The following TRPS1 variants were observed in gnomAD, a reference collection of about 807,000 sequenced individuals.
The protein encoded by TRPS1 is transcriptional repressor GATA binding 1, also known as zinc finger transcription factor Trps1.
Under a neutral mutation model 101.2 loss-of-function variants are expected in TRPS1, and 6 were observed. That is an observed-to-expected ratio of 0.06 (90% CI 0.03 to 0.12). The LOEUF is 0.12. Ranked by LOEUF, TRPS1 falls within the 10% of genes least tolerant of loss-of-function variation. The probability of loss-of-function intolerance (pLI) is 1.00; values close to 1 mark genes in which losing one functional copy is unlikely to be tolerated. For missense variants in TRPS1, 1,363 were observed against 1,567.0 expected (o/e 0.87, Z 2.20); for synonymous variants, 578 against 589.8 (o/e 0.98, Z 0.29).
At chr8:115,481,590 T>C (rs544045522) in intron 5 of TRPS1, among the ~76,000 whole-genome samples, 2 of 152,318 alleles carry the variant, frequency 1.3e-5, no homozygotes, top group African/African-American at 4.8e-5. Context: ...GAGAATTCTA[T>C]TCATTCTGAA....
chr8:115,518,051 G>A (rs1815761258), intron 5 of TRPS1, among the ~76,000 whole-genome samples: 3 of 38,792 alleles, frequency 7.7e-5, no homozygotes, highest in Non-Finnish European at 1.5e-4. Flanking sequence ...AAGGGCCAGA[G>A]GTCATATCCC....
chr8:115,642,769 C>T (rs1400154208), intron 1 of TRPS1, among the ~76,000 whole-genome samples: 1 of 150,112 alleles, frequency 6.7e-6, no homozygotes, highest in Non-Finnish European at 1.5e-5. Flanking sequence ...TAAGTTTAAT[C>T]ATTTTTATTA....
In TRPS1 at chr8:115,603,997, T is replaced by C. The variant is rs1216956562; in HGVS notation, c.1972A>G (p.Lys658Glu). 2 of 1,614,008 alleles carry C rather than the reference T, an allele frequency of 1.2e-6. No individual in the cohort carries two copies. The highest frequency in any genetic ancestry group is 1.7e-6 in the Non-Finnish European group (2 of 1,179,964). The change falls in exon 4 of 7, where the codon AAA (lysine) becomes GAA (glutamate). Residue 658 changes from lysine to glutamate, a missense_variant. Physicochemically the swap from Lys to Glu is moderately conservative, Grantham distance 56. Around this residue, in one of 5 missense-constraint regions of TRPS1, gnomAD observed 1,020 missense variants for 1,073.0 expected, o/e 0.95. Coordinates refer to ENST00000395715, the MANE Select transcript of TRPS1 (RefSeq NM_014112.5). ...CCTTGCAGGTGATTTGCTTCTTGTT[T>C]GACATCCGATGCTTGGGACTCATGC... ...SVHESQASDV[K>E]QEANHLQGSD...
chr8:115,445,333 C>G (rs988057478), intron 5 of TRPS1, among the ~76,000 whole-genome samples: 6 of 152,208 alleles, frequency 3.9e-5, no homozygotes, highest in Admixed American at 2.0e-4. Context: ...CTTTCCAAGC[C>G]TACCTCGTCA....
At chr8:115,556,041 A>G (rs1435619281) in intron 5 of TRPS1, among the ~76,000 whole-genome samples, 2 of 152,158 alleles carry the variant, frequency 1.3e-5, no homozygotes, top group South Asian at 2.1e-4. Flanking sequence ...AAATAAAATA[A>G]AGTAAAAAGA....
intron 5 of TRPS1, among the ~76,000 whole-genome samples, chr8:115,530,040 T>C (rs1163728586): frequency 6.6e-6 from 1 of 152,106 alleles, no homozygotes; most frequent in Non-Finnish European, 1.5e-5. Context: ...CGGGTTCCTA[T>C]ATTTTCCTCC....
chr8:115,468,158 T>C (rs1814374028), intron 5 of TRPS1, among the ~76,000 whole-genome samples: 1 of 152,218 alleles, frequency 6.6e-6, no homozygotes, highest in Admixed American at 6.5e-5. Context: ...CTATATATTT[T>C]TTAATTCATA....
intron 5 of TRPS1, among the ~76,000 whole-genome samples, chr8:115,563,781 TATG>T (rs2130375703): frequency 6.6e-6 from 1 of 152,202 alleles, no homozygotes; most frequent in Non-Finnish European, 1.5e-5. Context: ...TATTAGGTGT[TATG>T]ATAACTCATG....
chr8:115,476,715 T>C (rs1000244179), intron 5 of TRPS1, among the ~76,000 whole-genome samples: 13 of 152,194 alleles, frequency 8.5e-5, no homozygotes, highest in African/African-American at 3.1e-4. Context: ...AGGTCCTCAA[T>C]ATTTGCACAA....
chr8:115,603,812 T>C, intron 4 of TRPS1, 61 bp downstream of exon 4: 1 of 1,590,482 alleles, frequency 6.3e-7, no homozygotes, highest in South Asian at 1.1e-5. Context: ...GCCCTCTTTC[T>C]ATGGATTTTT....
intron 5 of TRPS1, among the ~76,000 whole-genome samples, chr8:115,437,700 TG>T (rs977331746): frequency 4.6e-5 from 7 of 152,096 alleles, no homozygotes; most frequent in Non-Finnish European, 7.4e-5. Flanking sequence ...TAAATAGGAT[TG>T]GGGGGGCAGG....
At chr8:115,610,635 A>G (rs1291820882) in intron 3 of TRPS1, among the ~76,000 whole-genome samples, 2 of 152,164 alleles carry the variant, frequency 1.3e-5, no homozygotes, top group Admixed American at 6.5e-5. Flanking sequence ...AAACTCCTAC[A>G]CTGGGCACAT....
Position 115,619,934 on chromosome 8 carries a change from A to C in TRPS1, c.164T>G (p.Met55Arg), listed in dbSNP as rs1020142265. Residue 55 changes from methionine to arginine, a missense_variant, in exon 3 of 7, where the codon ATG becomes AGG. By Grantham distance (91) the Met-to-Arg change is moderately conservative (BLOSUM62 -1). Transcript: ENST00000395715. ...GKNKEFSADQMSENTDQSDAA... is the reference protein window; with the variant it reads ...GKNKEFSADQRSENTDQSDAA... ...ATCACTCTGATCCGTATTTTCTGAC[A>C]TCTGATCTGCAGAAAATTCTTTGTT... 6.2e-7 allele frequency: 1 copy of C among 1,614,172 alleles called. No individual in the cohort carries two copies. The highest frequency in any genetic ancestry group is 8.5e-7 in the Non-Finnish European group (1 of 1,180,036).
At position 115,413,770 on chromosome 8, in the gene TRPS1, A is replaced by G; in HGVS notation, c.*253T>C. The G allele has an allele frequency of 2.1e-6, 1 of 482,648 alleles. No homozygotes were observed. The highest frequency in any genetic ancestry group is 3.7e-6 in the Non-Finnish European group (1 of 270,662). The allele number at this position is 482,648 out of a possible 1,614,324, so 29.9% of individuals were successfully genotyped here. ...ATTTCCCCAGTACATATTAGCCAAG[A>G]TGGTTTTGACTTAACAGGTTTTAAA... On this transcript the variant is annotated 3_prime_UTR_variant, in exon 7 of 7. Transcript: ENST00000395715.
intron 4 of TRPS1, among the ~76,000 whole-genome samples, chr8:115,588,872 A>G (rs1440493330): frequency 1.3e-5 from 2 of 152,216 alleles, no homozygotes; most frequent in Admixed American, 1.3e-4. Context: ...CACATTGGTG[A>G]ATAAAAGATA....
intron 6 of TRPS1, among the ~76,000 whole-genome samples, chr8:115,416,447 C>T (rs914027517): frequency 6.6e-6 from 1 of 150,386 alleles, no homozygotes; most frequent in African/African-American, 2.4e-5. Context: ...CCACATAAAA[C>T]ATGACTATAA....
intron 5 of TRPS1, among the ~76,000 whole-genome samples, chr8:115,560,657 T>C (rs1816924729): frequency 6.6e-6 from 1 of 152,098 alleles, no homozygotes; most frequent in Non-Finnish European, 1.5e-5. Flanking sequence ...TTATCAACTC[T>C]GGGTAAAATG....
intron 5 of TRPS1, among the ~76,000 whole-genome samples, chr8:115,567,588 CT>C (rs1311244737): frequency 6.6e-6 from 1 of 152,016 alleles, no homozygotes; most frequent in Non-Finnish European, 1.5e-5. Flanking sequence ...GGAATGAGCA[CT>C]TTTGCAGTGA....
intron 5 of TRPS1, among the ~76,000 whole-genome samples, chr8:115,548,663 G>T (rs944271638): frequency 6.6e-6 from 1 of 152,132 alleles, no homozygotes; most frequent in South Asian, 2.1e-4. Context: ...AAGCCAGCCA[G>T]AACCACATTA....
Sources: gnomAD v4.1 joint callset for allele counts (sites outside exome capture counted in the v4.1 genomes callset) on GRCh38, gnomAD v4.1.1 for gene constraint, gnomAD v4.1.1 regional missense constraint, MANE v1.5 for transcripts, NCBI Gene and HGNC (gene_info 2026-07-23, HGNC 2026-07-21) for gene names.